Variants in TENM2 observed in about 807,000 individuals in gnomAD.
TENM2 encodes teneurin transmembrane protein 2, also known as teneurin-2.
A neutral mutation model predicts 245.2 loss-of-function variants in TENM2; 52 were observed. That is an observed-to-expected ratio of 0.21 (90% CI 0.17 to 0.27). The LOEUF is 0.27. Among genes scored for constraint, TENM2 ranks in the 10% least tolerant of loss-of-function variants. The pLI is 1.00. For synonymous variants in TENM2, 1,363 were observed against 1,438.9 expected (o/e 0.95, Z 1.19); for missense variants, 3,046 against 3,666.8 (o/e 0.83, Z 4.37).
At chr5:167,556,187 T>C (rs1773249182) in intron 2 of TENM2, among the ~76,000 whole-genome samples, 1 of 152,172 alleles carries the variant, frequency 6.6e-6, no homozygotes, top group Non-Finnish European at 1.5e-5. Flanking sequence ...GAATATTTGA[T>C]TTTCATTGCT....
At chr5:167,519,242 A>G (rs1381417085) in intron 2 of TENM2, among the ~76,000 whole-genome samples, 1 of 152,172 alleles carries the variant, frequency 6.6e-6, no homozygotes, top group Non-Finnish European at 1.5e-5. Flanking sequence ...ACTTTTTCCA[A>G]GACAGAAATC....
chr5:167,578,509 A>C (rs997583888), intron 2 of TENM2, among the ~76,000 whole-genome samples: 1 of 152,186 alleles, frequency 6.6e-6, no homozygotes, highest in Non-Finnish European at 1.5e-5. Flanking sequence ...ATTTGTTTTC[A>C]TGTTTTCATA....
At chr5:167,454,479 TG>T (rs1765788598) in intron 2 of TENM2, among the ~76,000 whole-genome samples, 1 of 150,614 alleles carries the variant, frequency 6.6e-6, no homozygotes, top group Non-Finnish European at 1.5e-5. Flanking sequence ...TGTGTGTGCA[TG>T]TGCACACGTG....
intron 4 of TENM2, among the ~76,000 whole-genome samples, chr5:167,976,055 C>T (rs1469620676): frequency 6.6e-6 from 1 of 152,080 alleles, no homozygotes. Flanking sequence ...GTTTTCCTTC[C>T]TCGGCCTTGA....
intron 12 of TENM2, among the ~76,000 whole-genome samples, chr5:168,127,270 TC>T (rs1283621489): frequency 6.6e-6 from 1 of 152,180 alleles, no homozygotes; most frequent in Non-Finnish European, 1.5e-5. Flanking sequence ...TGCAAGCACC[TC>T]AAATCACTGT....
chr5:167,925,721 C>A (rs983298762), intron 3 of TENM2, among the ~76,000 whole-genome samples: 3 of 152,154 alleles, frequency 2.0e-5, no homozygotes, highest in African/African-American at 7.2e-5. Flanking sequence ...CCATTAATGA[C>A]AGATTGGATT....
chr5:167,298,555 G>T (rs1221384377), intron 1 of TENM2, among the ~76,000 whole-genome samples: 1 of 152,216 alleles, frequency 6.6e-6, no homozygotes, highest in Non-Finnish European at 1.5e-5. Context: ...AGTGAGCCGA[G>T]ATCGTGCCAC....
chr5:167,528,514 T>A (rs564894971), intron 2 of TENM2, among the ~76,000 whole-genome samples: 2 of 152,248 alleles, frequency 1.3e-5, no homozygotes, highest in Admixed American at 6.5e-5. Flanking sequence ...TAGAAGTTTG[T>A]TGGGAGGCTT....
chr5:167,327,890 G>A (rs1305689296), intron 1 of TENM2, among the ~76,000 whole-genome samples: 2 of 152,144 alleles, frequency 1.3e-5, no homozygotes, highest in African/African-American at 2.4e-5. Context: ...TCTGCAAAAC[G>A]AATTGACTCT....
At chr5:167,898,983 T>C (rs1775469872) in intron 3 of TENM2, among the ~76,000 whole-genome samples, 1 of 151,898 alleles carries the variant, frequency 6.6e-6, no homozygotes, top group South Asian at 2.1e-4. Flanking sequence ...GGGTCTGGAT[T>C]TCAGGGAAGA....
At chr5:167,870,619 GTA>G (rs200428918) in intron 2 of TENM2, among the ~76,000 whole-genome samples, 1 of 142,838 alleles carries the variant, frequency 7.0e-6, no homozygotes, top group Admixed American at 7.1e-5. Context: ...GTATATATAT[GTA>G]TATATATACA....
intron 2 of TENM2, among the ~76,000 whole-genome samples, chr5:167,498,549 G>A (rs752681246): frequency 1.1e-4 from 17 of 152,000 alleles, no homozygotes; most frequent in Admixed American, 7.2e-4. Flanking sequence ...TGGTCTAAAC[G>A]TTTTGTTCTG....
chr5:167,100,319 G>T, the TENM2 span, among the ~76,000 whole-genome samples: 3 of 152,152 alleles, frequency 2.0e-5, no homozygotes, highest in African/African-American at 4.8e-5. Flanking sequence ...TCAGATGCCA[G>T]TGGCACCTGG....
At chr5:167,251,015 A>G in the TENM2 span, among the ~76,000 whole-genome samples, 1 of 152,112 alleles carries the variant, frequency 6.6e-6, no homozygotes, top group Non-Finnish European at 1.5e-5. Flanking sequence ...AAACTATGAG[A>G]GATGGAAGTA....
chr5:167,731,634 G>A (rs1353468272), intron 2 of TENM2, among the ~76,000 whole-genome samples: 1 of 142,598 alleles, frequency 7.0e-6, no homozygotes, highest in African/African-American at 2.6e-5. Flanking sequence ...CCTAGAGTGT[G>A]TTTGGTCTAA....
intron 2 of TENM2, among the ~76,000 whole-genome samples, chr5:167,750,418 C>G (rs113151360): frequency 1.1e-4 from 17 of 152,240 alleles, no homozygotes; most frequent in Non-Finnish European, 2.2e-4. Flanking sequence ...TTGTCCTCGT[C>G]ATCCTGTAGT....
intron 2 of TENM2, among the ~76,000 whole-genome samples, chr5:167,588,998 C>T (rs1042874963): frequency 6.6e-6 from 1 of 152,068 alleles, no homozygotes; most frequent in Admixed American, 6.6e-5. Flanking sequence ...GTCAGGAGTT[C>T]GAGACCAGCC....
At chr5:167,219,616 A>G in the TENM2 span, among the ~76,000 whole-genome samples, 44 of 152,240 alleles carry the variant, frequency 2.9e-4, no homozygotes, top group Non-Finnish European at 2.9e-4. Flanking sequence ...TTTTCCTTCT[A>G]TAGCCTCTTT....
chr5:167,828,341 C>T (rs1234134263), intron 2 of TENM2, among the ~76,000 whole-genome samples: 1 of 152,166 alleles, frequency 6.6e-6, no homozygotes, highest in Non-Finnish European at 1.5e-5. Context: ...CTCCTTTCCC[C>T]CAACCCCATC....
Sources: gnomAD v4.1 joint callset for allele counts (sites outside exome capture counted in the v4.1 genomes callset) on GRCh38, gnomAD v4.1.1 for gene constraint, MANE v1.5 for transcripts, NCBI Gene and HGNC (gene_info 2026-07-23, HGNC 2026-07-21) for gene names.